The following GPSM1 variants were observed in gnomAD, a reference collection of about 807,000 sequenced individuals.
The protein encoded by GPSM1 is G protein-signaling modulator 1.
In GPSM1, 48 loss-of-function variants were observed where a neutral mutation model predicts 70.5. The observed-to-expected ratio is 0.68, with a 90% CI of 0.54 to 0.87. The LOEUF is 0.87. Ranked by LOEUF, GPSM1 falls within the 40% of genes least tolerant of loss-of-function variation. The pLI is 0.00. For missense variants in GPSM1, 981 were observed against 972.6 expected (o/e 1.01, Z -0.11); for synonymous variants, 416 against 430.1 (o/e 0.97, Z 0.41).
intron 9 of GPSM1, among the ~76,000 whole-genome samples, chr9:136,346,279 C>G (rs564557770): frequency 6.6e-6 from 1 of 152,236 alleles, no homozygotes; most frequent in East Asian, 1.9e-4. Context: ...TGTAGGCATT[C>G]GCCGTGGGCT....
Position 136,354,973 on chromosome 9 carries a change from G to A in GPSM1, c.1456-717G>A, listed in dbSNP as rs1431266844. 6 of 1,072,582 alleles carry A rather than the reference G, an allele frequency of 5.6e-6. No individual in the cohort carries two copies. The African/African-American group carries it at 1.0e-4, about 19-fold the overall frequency. The allele number at this position is 1,072,582 out of a possible 1,614,324, so 66.4% of individuals were successfully genotyped here. A position where few individuals can be genotyped will look rare whatever the true frequency, so the allele number is the denominator to read the frequency against. Reference sequence around the variant, plus strand: ...GTGACGGACAGAGGCCTGGACTGGGGTAGCACCCATGAGAGGGGAGAAGTC... The same window carrying A: ...GTGACGGACAGAGGCCTGGACTGGGATAGCACCCATGAGAGGGGAGAAGTC... On this transcript the variant is annotated intron_variant, in intron 11 of 13. Transcript: ENST00000440944.
chr9:136,345,921 A>G (rs1339953620), intron 9 of GPSM1, among the ~76,000 whole-genome samples: 1 of 152,126 alleles, frequency 6.6e-6, no homozygotes, highest in African/African-American at 2.4e-5. Flanking sequence ...TGTCCCTTCA[A>G]GCTGCACCAC....
At chr9:136,339,611 C>T in intron 7 of GPSM1, 96 bp from the exon 8 acceptor site, 2 of 844,144 alleles carry the variant, frequency 2.4e-6, no homozygotes, top group East Asian at 5.4e-5. Context: ...CCCTCGAAGC[C>T]AGGGTCATGC....
rs113019385 is a variant in GPSM1 at position 136,352,444 on chromosome 9, TG to T, written c.1455+2686del. On this transcript the variant is annotated intron_variant, in intron 11 of 13. Transcript: ENST00000440944. ...TGAGGCGGTGTGGCTGGGTGTGGTC[TG>T]GGGGTCCAGAGAACTCATTCTGGGG... Among the ~76,000 whole-genome samples the T allele has an allele frequency of 4.6e-3, 706 of 152,324 alleles. 2 individuals are homozygous for T. Among genetic ancestry groups the T allele is most frequent in the African/African-American group, 0.015 (617 of 41,562 alleles).
chr9:136,355,587 G>C, intron 11 of GPSM1, 103 bp from the exon 12 acceptor site: 1 of 1,123,542 alleles, frequency 8.9e-7, no homozygotes, highest in Non-Finnish European at 1.3e-6. Context: ...CCCGATCTTG[G>C]CCAGGGTCTC....
At chr9:136,344,166 G>C (rs1289901453) in intron 9 of GPSM1, among the ~76,000 whole-genome samples, 2 of 146,358 alleles carry the variant, frequency 1.4e-5, no homozygotes, top group Non-Finnish European at 3.0e-5. Flanking sequence ...GGACAGGATC[G>C]GGGGGAGGCG....
At position 136,340,305 on chromosome 9, in the gene GPSM1, G is replaced by A. The variant is rs1207560240; in HGVS notation, c.1083+490G>A. ...GCAGGTGCCCAGGTGAGGGTGGAGA[G>A]GGGCGGGCATGGGAAGGTCAGCAGA... On this transcript the variant is annotated intron_variant, in intron 8 of 13. Coordinates refer to ENST00000440944, the MANE Select transcript of GPSM1 (RefSeq NM_001145638.3). The surrounding 1 kb of genome is among the most constrained non-coding windows in gnomAD (Gnocchi z 7.3). Among the ~76,000 whole-genome samples, 2 of 152,146 alleles carry A rather than the reference G, an allele frequency of 1.3e-5. No homozygotes were observed. The highest frequency in any genetic ancestry group is 2.9e-5 in the Non-Finnish European group (2 of 68,030).
intron 6 of GPSM1, among the ~76,000 whole-genome samples, 196 bp from the exon 7 acceptor site, chr9:136,338,359 G>C (rs1315220588): frequency 6.6e-6 from 1 of 152,184 alleles, no homozygotes; most frequent in Non-Finnish European, 1.5e-5. Context: ...CCAGAGCCTG[G>C]CAGGACCCCC....
chr9:136,327,785 GC>G (rs1247038537), intron 1 of GPSM1, 22 bp downstream of exon 1: 1 of 1,051,592 alleles, frequency 9.5e-7, no homozygotes, highest in African/African-American at 1.7e-5. Context: ...CGGGGCCGGG[GC>G]CGGGGCCGGG....
chr9:136,349,618 A>G lies in GPSM1; in HGVS notation c.1310A>G (p.Asp437Gly), dbSNP rs1832607349. The G allele has an allele frequency of 1.9e-6, 3 of 1,550,214 alleles. No homozygotes were observed. Among genetic ancestry groups the G allele is most frequent in the Non-Finnish European group, 2.6e-6 (3 of 1,146,812 alleles). Reference sequence around the variant, plus strand: ...AATGGAGACAGCCACCATTCAGGGGACTGGCGGGGGCCCAGCAGGGACTCG... The same window carrying G: ...AATGGAGACAGCCACCATTCAGGGGGCTGGCGGGGGCCCAGCAGGGACTCG... ...EQNGDSHHSG[D>G]WRGPSRDSLP... The change falls in exon 11 of 14, where the codon GAC (aspartate) becomes GGC (glycine). Residue 437 changes from aspartate (D) to glycine (G), a missense_variant. Physicochemically the swap from Asp to Gly is moderately conservative, Grantham distance 94. Coordinates refer to ENST00000440944, the MANE Select transcript of GPSM1 (RefSeq NM_001145638.3).
chr9:136,349,720 C>G lies in GPSM1; in HGVS notation c.1412C>G (p.Ser471Cys). 6.3e-7 allele frequency: 1 copy of G among 1,576,490 alleles called. No homozygotes were observed. Among genetic ancestry groups the G allele is most frequent in the Non-Finnish European group, 8.6e-7 (1 of 1,162,250 alleles). Reference protein sequence around the residue: ...AERRPREGSHSPLDSADVRVH... With the variant: ...AERRPREGSHCPLDSADVRVH... Reference sequence around the variant, plus strand: ...AGGAGGCCCCGGGAGGGCAGCCACTCCCCGCTGGACAGCGCCGACGTCCGG... The same window carrying G: ...AGGAGGCCCCGGGAGGGCAGCCACTGCCCGCTGGACAGCGCCGACGTCCGG... Residue 471 changes from serine (S) to cysteine (C), a missense_variant, in exon 11 of 14, where the codon TCC becomes TGC. Physicochemically the swap from Ser to Cys is moderately radical, Grantham distance 112. Coordinates refer to ENST00000440944, the MANE Select transcript of GPSM1 (RefSeq NM_001145638.3).
chr9:136,348,890 T>C, intron 10 of GPSM1, 123 bp downstream of exon 10: 2 of 714,526 alleles, frequency 2.8e-6, no homozygotes, highest in Non-Finnish European at 4.7e-6. Flanking sequence ...AAATGTGCCC[T>C]CCTCGGCCTG....
chr9:136,342,261 C>G lies in GPSM1; in HGVS notation c.1207+1268C>G, dbSNP rs1314074202. Reference sequence around the variant, plus strand: ...ACCCTCCTGTGTCCCTGGCTCGGCACTGCCACCATCTGGGACCCCAGCAGC... The same window carrying G: ...ACCCTCCTGTGTCCCTGGCTCGGCAGTGCCACCATCTGGGACCCCAGCAGC... On this transcript the variant is annotated intron_variant, in intron 9 of 13. Coordinates refer to ENST00000440944, the MANE Select transcript of GPSM1 (RefSeq NM_001145638.3). The surrounding 1 kb of genome is among the most constrained non-coding windows in gnomAD (Gnocchi z 5.5). Among the ~76,000 whole-genome samples, 2 of 152,162 alleles carry G rather than the reference C, an allele frequency of 1.3e-5. No homozygotes were observed. The highest frequency in any genetic ancestry group is 2.9e-5 in the Non-Finnish European group (2 of 68,026).
chr9:136,331,356 G>A (rs1192087680), intron 1 of GPSM1, among the ~76,000 whole-genome samples: 2 of 142,956 alleles, frequency 1.4e-5, no homozygotes, highest in Non-Finnish European at 3.0e-5. Flanking sequence ...GCATGGTGAG[G>A]ACTCTGAGCC....
chr9:136,356,533 A>G lies in GPSM1; in HGVS notation c.1804A>G (p.Met602Val), dbSNP rs782410166. ...PQEPGDDFFNMLIKYQSSRID... is the reference protein window; with the variant it reads ...PQEPGDDFFNVLIKYQSSRID... ...GGAGCCGGGGGACGACTTCTTCAAC[A>G]TGCTCATCAAGTACCAGGTGGGCTG... Residue 602 changes from methionine to valine, a missense_variant, in exon 13 of 14, where the codon ATG becomes GTG. Met to Val is a conservative substitution (Grantham distance 21, BLOSUM62 1). Transcript: ENST00000440944. 8.7e-6 allele frequency: 14 copies of G among 1,610,840 alleles called. No homozygotes were observed. The highest frequency in any genetic ancestry group is 1.2e-5 in the Non-Finnish European group (14 of 1,178,696).
Position 136,340,511 on chromosome 9 carries a change from A to T in GPSM1, c.1084-359A>T, listed in dbSNP as rs1310230003. ...CCTGAGTGATGTGGATGTTCCCGGGAGGGTCCCCCACAGAGCCTCGGCGCA... is the reference window on the plus strand; with the variant it reads ...CCTGAGTGATGTGGATGTTCCCGGGTGGGTCCCCCACAGAGCCTCGGCGCA... On this transcript the variant is annotated intron_variant, in intron 8 of 13. Coordinates refer to ENST00000440944, the MANE Select transcript of GPSM1 (RefSeq NM_001145638.3). This position sits in a 1 kb window ranked among gnomAD's most constrained non-coding sequence, Gnocchi z 7.3. Among the ~76,000 whole-genome samples the T allele has an allele frequency of 1.3e-5, 2 of 151,798 alleles. No individual in the cohort carries two copies. Among genetic ancestry groups the T allele is most frequent in the Non-Finnish European group, 2.9e-5 (2 of 67,964 alleles).
intron 9 of GPSM1, among the ~76,000 whole-genome samples, chr9:136,347,673 T>G (rs1409899457): frequency 1.3e-5 from 2 of 152,152 alleles, no homozygotes; most frequent in Non-Finnish European, 2.9e-5. Flanking sequence ...CATCGGGCCC[T>G]TCCCACAGGG....
Position 136,354,477 on chromosome 9 carries a change from G to A in GPSM1, c.1456-1213G>A, listed in dbSNP as rs556975782. On this transcript the variant is annotated intron_variant, in intron 11 of 13. Coordinates refer to ENST00000440944, the MANE Select transcript of GPSM1 (RefSeq NM_001145638.3). ...GAGGTGCCATCTCCACCAACATTGC[G>A]TCTCTTGTTAACTCGTTCAGCTGTG... 4.6e-5 allele frequency among the ~76,000 whole-genome samples: 7 copies of A among 152,368 alleles called. No homozygotes were observed. The East Asian group carries it at 5.8e-4, about 13-fold the overall frequency.
chr9:136,328,942 T>A (rs1371044736), intron 1 of GPSM1, among the ~76,000 whole-genome samples: 1 of 152,122 alleles, frequency 6.6e-6, no homozygotes, highest in Non-Finnish European at 1.5e-5. Context: ...GGGGGATGGA[T>A]AGCAGCCCTG....
Sources: allele counts gnomAD v4.1 joint callset (sites outside exome capture counted in the v4.1 genomes callset), GRCh38; gene constraint gnomAD v4.1.1; non-coding constraint Gnocchi (gnomAD v3.1); transcripts MANE v1.5; gene names NCBI Gene and HGNC (gene_info 2026-07-23, HGNC 2026-07-21).